Variants in SAMD5 observed in about 807,000 individuals in gnomAD.
The protein encoded by SAMD5 is sterile alpha motif domain-containing protein 5.
SAMD5 carries 13 observed loss-of-function variants against 11.3 expected under a neutral mutation model. The ratio of observed to expected loss-of-function variants is 1.15; its 90% CI spans 0.75 to 1.83. SAMD5 has a LOEUF of 1.83. Among genes scored for constraint, SAMD5 ranks in the 40% most tolerant of loss-of-function variants. The probability of loss-of-function intolerance (pLI) is 0.00; values close to 1 mark genes in which losing one functional copy is unlikely to be tolerated. For missense variants in SAMD5, 255 were observed against 239.1 expected, an observed-to-expected ratio of 1.07 and a Z score of -0.44; for synonymous variants, 129 against 111.3, an observed-to-expected ratio of 1.16 and a Z score of -1.00.
At chr6:147,752,838 A>G in the SAMD5 span, among the ~76,000 whole-genome samples, 1 of 152,178 alleles carries the variant, frequency 6.6e-6, no homozygotes, top group Non-Finnish European at 1.5e-5. Context: ...GCACTTAAGC[A>G]TTTCCGAAAA....
At chr6:147,717,498 A>C (rs1040201689) in intron 1 of SAMD5, among the ~76,000 whole-genome samples, 35 of 152,158 alleles carry the variant, frequency 2.3e-4, no homozygotes, top group African/African-American at 8.4e-4. Flanking sequence ...TAACTGGCTC[A>C]ATGGTTTTCC....
At chr6:147,583,989 A>G (rs1046503506) in intron 1 of SAMD5, among the ~76,000 whole-genome samples, 2 of 152,168 alleles carry the variant, frequency 1.3e-5, no homozygotes, top group Non-Finnish European at 2.9e-5. Flanking sequence ...AAGTTTAAGA[A>G]AGACTTTAAA....
At chr6:147,681,835 C>T (rs1339225598) in intron 1 of SAMD5, among the ~76,000 whole-genome samples, 1 of 152,188 alleles carries the variant, frequency 6.6e-6, no homozygotes, top group Non-Finnish European at 1.5e-5. Context: ...AACCCAGTCA[C>T]CCCATGAGCT....
chr6:147,761,924 G>A, the SAMD5 span, among the ~76,000 whole-genome samples: 2 of 152,198 alleles, frequency 1.3e-5, no homozygotes, highest in African/African-American at 4.8e-5. Context: ...TATTGGTCAG[G>A]CTGGTCTTGA....
chr6:147,635,255 A>G (rs1168845468), intron 1 of SAMD5, among the ~76,000 whole-genome samples: 1 of 152,166 alleles, frequency 6.6e-6, no homozygotes, highest in Non-Finnish European at 1.5e-5. Context: ...CACCATCACC[A>G]TCGTGAACAT....
chr6:147,736,646 T>G (rs1791808636), intron 1 of SAMD5, among the ~76,000 whole-genome samples: 1 of 152,202 alleles, frequency 6.6e-6, no homozygotes, highest in Admixed American at 6.5e-5. Flanking sequence ...CTGATGGGCT[T>G]GGGCATTGGG....
chr6:147,907,297 C>G, the SAMD5 span, among the ~76,000 whole-genome samples: 1 of 152,200 alleles, frequency 6.6e-6, no homozygotes, highest in Non-Finnish European at 1.5e-5. Flanking sequence ...CAAAATCACA[C>G]AGCAAGAGCT....
chr6:147,631,264 A>T (rs1434773441), intron 1 of SAMD5, among the ~76,000 whole-genome samples: 1 of 152,202 alleles, frequency 6.6e-6, no homozygotes. Context: ...GGTCCGAATA[A>T]GAGAAGGCGA....
intron 1 of SAMD5, among the ~76,000 whole-genome samples, chr6:147,663,758 C>T (rs1172021082): frequency 8.0e-6 from 1 of 125,652 alleles, no homozygotes; most frequent in Non-Finnish European, 1.6e-5. Context: ...TGTCACTTTA[C>T]TTCAGCCTGG....
intron 1 of SAMD5, chr6:147,660,605 TA>T (rs1384607565): frequency 2.6e-5 from 4 of 152,232 alleles, no homozygotes; most frequent in Non-Finnish European, 2.9e-5. Context: ...AATTGGATCA[TA>T]AGGGCGGATC....
the SAMD5 span, among the ~76,000 whole-genome samples, chr6:147,933,985 G>T: frequency 6.6e-6 from 1 of 152,166 alleles, no homozygotes. Flanking sequence ...TGCCATGGGT[G>T]TGCCCCTGGG....
At chr6:147,761,783 G>A in the SAMD5 span, among the ~76,000 whole-genome samples, 28 of 151,860 alleles carry the variant, frequency 1.8e-4, no homozygotes, top group Non-Finnish European at 3.2e-4. Flanking sequence ...GCAAGTTCTC[G>A]GCTCACTGCA....
the SAMD5 span, among the ~76,000 whole-genome samples, chr6:147,908,595 T>C: frequency 2.6e-5 from 4 of 152,220 alleles, no homozygotes; most frequent in African/African-American, 9.6e-5. Flanking sequence ...CTTGTACCAC[T>C]TTGCAGCAGG....
Position 147,559,185 on chromosome 6 carries a change from C to T in SAMD5, c.460-5209C>T, listed in dbSNP as rs530915510. On this transcript the variant is annotated intron_variant, in intron 1 of 1. Coordinates refer to ENST00000367474, the MANE Select transcript of SAMD5 (RefSeq NM_001030060.3). ...AAGCAACTGTCTCTGGGTGCACTGG[C>T]GGCAGCCTGCAGACCACAGCCCTGT... 3.3e-5 allele frequency among the ~76,000 whole-genome samples: 5 copies of T among 152,304 alleles called. No individual in the cohort carries two copies. The South Asian group carries it at 1.0e-3, about 32-fold the overall frequency.
chr6:147,876,336 C>G, the SAMD5 span, among the ~76,000 whole-genome samples: 1 of 152,180 alleles, frequency 6.6e-6, no homozygotes, highest in East Asian at 1.9e-4. Flanking sequence ...TCACTAGCCT[C>G]TAGTGCACTG....
the SAMD5 span, among the ~76,000 whole-genome samples, chr6:147,780,404 C>T: frequency 6.6e-6 from 1 of 152,110 alleles, no homozygotes; most frequent in African/African-American, 2.4e-5. Context: ...GACAGGATTT[C>T]ACCATGTTGA....
chr6:147,830,739 A>G, the SAMD5 span, among the ~76,000 whole-genome samples: 2 of 152,226 alleles, frequency 1.3e-5, no homozygotes, highest in African/African-American at 4.8e-5. Flanking sequence ...AAGCAAAATA[A>G]CTAATAGGTT....
the SAMD5 span, among the ~76,000 whole-genome samples, chr6:147,865,842 CT>C: frequency 6.6e-6 from 1 of 152,142 alleles, no homozygotes; most frequent in African/African-American, 2.4e-5. Context: ...AGGTAAATAA[CT>C]GGTTATTTGG....
chr6:147,892,828 T>C, the SAMD5 span, among the ~76,000 whole-genome samples: 1 of 152,176 alleles, frequency 6.6e-6, no homozygotes, highest in Non-Finnish European at 1.5e-5. Context: ...ACAACTGTAA[T>C]ACTCATCTCT....
Sources: allele counts gnomAD v4.1 joint callset (sites outside exome capture counted in the v4.1 genomes callset), GRCh38; gene constraint gnomAD v4.1.1; transcripts MANE v1.5; gene names NCBI Gene and HGNC (gene_info 2026-07-23, HGNC 2026-07-21).